Variants in TEX15 observed in about 807,000 individuals in gnomAD.
TEX15 encodes testis expressed 15, meiosis and synapsis associated.
Under a neutral mutation model 237.3 loss-of-function variants are expected in TEX15, and 171 were observed. The ratio of observed to expected loss-of-function variants is 0.72; its 90% CI spans 0.64 to 0.82. TEX15 has a LOEUF of 0.82. Among genes scored for constraint, TEX15 ranks in the 40% least tolerant of loss-of-function variants. The probability of loss-of-function intolerance (pLI) is 0.00; values close to 1 mark genes in which losing one functional copy is unlikely to be tolerated. For missense variants in TEX15, 3,750 were observed against 3,646.5 expected (o/e 1.03, Z -0.73); for synonymous variants, 1,338 against 1,269.8 (o/e 1.05, Z -1.14).
intron 2 of TEX15, among the ~76,000 whole-genome samples, chr8:30,895,939 A>G (rs1022083635): frequency 1.8e-4 from 27 of 152,096 alleles, no homozygotes; most frequent in Admixed American, 8.5e-4. Flanking sequence ...TTGGCCTCCC[A>G]AAGTGCTGAG....
At chr8:30,907,032 T>A (rs1372671923) in intron 1 of TEX15, among the ~76,000 whole-genome samples, 2 of 152,230 alleles carry the variant, frequency 1.3e-5, no homozygotes, top group African/African-American at 4.8e-5. Context: ...AAAGGTTGTA[T>A]AAATCTTCGT....
chr8:30,879,618 T>C (rs1585304757), intron 3 of TEX15, among the ~76,000 whole-genome samples: 1 of 152,264 alleles, frequency 6.6e-6, no homozygotes, highest in South Asian at 2.1e-4. Flanking sequence ...GGAATCTTTA[T>C]TCTGTTCCAC....
Position 30,842,084 on chromosome 8 carries a change from GT to G in TEX15, c.8082del (p.Lys2694AsnfsTer6). 1 of 1,613,566 alleles carries G rather than the reference GT, an allele frequency of 6.2e-7. No homozygotes were observed. The highest frequency in any genetic ancestry group is 8.5e-7 in the Non-Finnish European group (1 of 1,179,778). ...TCACATTTGTCTACAGTGCTCGGTC[GT>G]TTTTTAGAGGAATTTGAGATGTTTT... Reference protein sequence around the residue: ...INKNISNSSKKRPSTVDKCED... With the variant: ...INKNISNSSKXRPSTVDKCED... On this transcript the variant is annotated frameshift_variant, in exon 8 of 11. Transcript: ENST00000643185. LOFTEE classifies it high-confidence loss of function.
At position 30,848,593 on chromosome 8, in the gene TEX15, T is replaced by G; in HGVS notation, c.1574A>C (p.Lys525Thr). 6.2e-7 allele frequency: 1 copy of G among 1,614,074 alleles called. No individual in the cohort carries two copies. The highest frequency in any genetic ancestry group is 8.5e-7 in the Non-Finnish European group (1 of 1,179,990). The change falls in exon 8 of 11, where the codon AAA becomes ACA. Residue 525 changes from lysine to threonine, a missense_variant. By Grantham distance (78) the Lys-to-Thr change is moderately conservative (BLOSUM62 -1). Coordinates refer to ENST00000643185, the MANE Select transcript of TEX15 (RefSeq NM_001350162.2). ...CTTACATTGCCCTGCCATGGTAACTTTATTGGGAGGTATACAGTCATAGTC... is the reference window on the plus strand; with the variant it reads ...CTTACATTGCCCTGCCATGGTAACTGTATTGGGAGGTATACAGTCATAGTC... Reference protein sequence around the residue: ...SEDYDCIPPNKVTMAGQCKDQ... With the variant: ...SEDYDCIPPNTVTMAGQCKDQ...
chr8:30,859,847 A>T, intron 6 of TEX15, 64 bp downstream of exon 6: 2 of 1,214,730 alleles, frequency 1.6e-6, no homozygotes, highest in Non-Finnish European at 1.0e-6. Context: ...TTGGGAATTT[A>T]AGTCTTAAAA....
intron 3 of TEX15, among the ~76,000 whole-genome samples, chr8:30,875,560 G>A (rs1421429863): frequency 6.6e-6 from 1 of 152,204 alleles, no homozygotes; most frequent in Non-Finnish European, 1.5e-5. Context: ...AGTGGCATGT[G>A]AAAGAGGAAA....
intron 5 of TEX15, among the ~76,000 whole-genome samples, 166 bp from the exon 6 acceptor site, chr8:30,860,223 C>T (rs1183220177): frequency 1.3e-5 from 2 of 152,000 alleles, no homozygotes; most frequent in East Asian, 3.9e-4. Flanking sequence ...CAGGCTGAAG[C>T]GATCCTCCCA....
chr8:30,907,772 A>G (rs1005777319), intron 1 of TEX15, among the ~76,000 whole-genome samples: 4 of 122,640 alleles, frequency 3.3e-5, no homozygotes, highest in Non-Finnish European at 7.2e-5. Flanking sequence ...ATATAATTAC[A>G]CCAAAAAAAA....
At chr8:30,883,796 T>G (rs529252787) in intron 3 of TEX15, among the ~76,000 whole-genome samples, 106 of 152,330 alleles carry the variant, frequency 7.0e-4, no homozygotes, top group African/African-American at 2.2e-3. Context: ...CTGTAAATAT[T>G]ACCGCAATAA....
Position 30,887,270 on chromosome 8 carries a change from T to C in TEX15, c.33A>G (p.Thr11=), listed in dbSNP as rs763224782. 1.7e-4 allele frequency: 259 copies of C among 1,535,384 alleles called. No homozygotes were observed. Among genetic ancestry groups the C allele is most frequent in the Non-Finnish European group, 2.1e-4 (242 of 1,146,702 alleles). The change falls in exon 3 of 11, where the codon ACA becomes ACG. Residue 11 remains threonine (T), a synonymous_variant. Coordinates refer to ENST00000643185, the MANE Select transcript of TEX15 (RefSeq NM_001350162.2). Reference sequence around the variant, plus strand: ...TGCTAGTTGAGCTCATTTGCCACAGTGTATCCTGTTTAGCAGTTTCTTTCA... The same window carrying C: ...TGCTAGTTGAGCTCATTTGCCACAGCGTATCCTGTTTAGCAGTTTCTTTCA... MEMKETAKQD[T]LWQMSSTSKP... is the part of the protein sequence containing the mutation.
chr8:30,854,850 C>T (rs1418372050), intron 7 of TEX15, among the ~76,000 whole-genome samples: 3 of 152,120 alleles, frequency 2.0e-5, no homozygotes, highest in Non-Finnish European at 4.4e-5. Flanking sequence ...TAATGTAATA[C>T]ATTATATCGA....
intron 5 of TEX15, among the ~76,000 whole-genome samples, chr8:30,865,286 T>C (rs1418195743): frequency 2.0e-5 from 3 of 151,968 alleles, no homozygotes; most frequent in Non-Finnish European, 4.4e-5. Flanking sequence ...AAAACTTGAA[T>C]AGATAAATAA....
intron 3 of TEX15, among the ~76,000 whole-genome samples, chr8:30,879,684 T>C (rs1437164644): frequency 6.6e-6 from 1 of 152,244 alleles, no homozygotes. Context: ...AGCTATATGC[T>C]AAGGCTTAAC....
chr8:30,838,111 T>G, intron 9 of TEX15, 50 bp from the exon 10 acceptor site: 1 of 1,437,748 alleles, frequency 7.0e-7, no homozygotes, highest in South Asian at 1.5e-5. Context: ...TATAGGGTCA[T>G]AAAATTTTAA....
intron 7 of TEX15, among the ~76,000 whole-genome samples, chr8:30,856,855 A>C (rs323355): frequency 0.022 from 3,317 of 152,282 alleles, 126 homozygotes; most frequent in African/African-American, 0.075. Context: ...ATTTTCCACA[A>C]ATTAATATAT....
At chr8:30,889,121 A>C (rs1808728655) in intron 2 of TEX15, among the ~76,000 whole-genome samples, 1 of 152,226 alleles carries the variant, frequency 6.6e-6, no homozygotes, top group Admixed American at 6.5e-5. Context: ...AGTTGAATAT[A>C]CTTTACTTGA....
In TEX15 at chr8:30,842,280, A is replaced by G. The variant is rs1807475862; in HGVS notation, c.7887T>C (p.Asn2629=). 3 of 1,613,686 alleles carry G rather than the reference A, an allele frequency of 1.9e-6. No individual in the cohort carries two copies. The highest frequency in any genetic ancestry group is 2.5e-6 in the Non-Finnish European group (3 of 1,179,858). Residue 2629 remains asparagine (N), a synonymous_variant, in exon 8 of 11, where the codon AAT becomes AAC. Coordinates refer to ENST00000643185, the MANE Select transcript of TEX15 (RefSeq NM_001350162.2). ...IEHMKMICTK[N]AELTISFFLC... Reference sequence around the variant, plus strand: ...GGAAAAAGGAAATGGTTAGTTCAGCATTTTTAGTACATATCATCTTCATAT... The same window carrying G: ...GGAAAAAGGAAATGGTTAGTTCAGCGTTTTTAGTACATATCATCTTCATAT...
chr8:30,911,997 C>A, intron 1 of TEX15, among the ~76,000 whole-genome samples: 1 of 152,336 alleles, frequency 6.6e-6, no homozygotes, highest in East Asian at 1.9e-4. Flanking sequence ...AGCAGCCCTG[C>A]AAAACCTCCA....
At chr8:30,836,205 GTTTTTT>G (rs33984716) in intron 10 of TEX15, among the ~76,000 whole-genome samples, 3 of 43,278 alleles carry the variant, frequency 6.9e-5, no homozygotes, top group East Asian at 8.5e-4. Flanking sequence ...TCACTGTATC[GTTTTTT>G]TTTTTTTTTT....
Sources: gnomAD v4.1 joint callset for allele counts (sites outside exome capture counted in the v4.1 genomes callset) on GRCh38, gnomAD v4.1.1 for gene constraint, MANE v1.5 for transcripts, NCBI Gene and HGNC (gene_info 2026-07-23, HGNC 2026-07-21) for gene names.